MRPL48: variants seen among roughly 807,000 people sequenced by gnomAD.
MRPL48 encodes the protein mitochondrial ribosomal protein L48.
Under a neutral mutation model 32.9 loss-of-function variants are expected in MRPL48, and 16 were observed. That is an observed-to-expected ratio of 0.49 (90% CI 0.33 to 0.74). The LOEUF is 0.74. Ranked by LOEUF, MRPL48 falls within the 30% of genes least tolerant of loss-of-function variation. The pLI, the probability that MRPL48 is intolerant of heterozygous loss-of-function variation, is 0.02. For missense variants in MRPL48, 206 were observed against 245.3 expected (o/e 0.84, Z 1.07); for synonymous variants, 94 against 89.2 (o/e 1.05, Z -0.31).
intron 4 of MRPL48, among the ~76,000 whole-genome samples, chr11:73,834,069 G>A (rs568485475): frequency 6.6e-5 from 10 of 152,092 alleles, no homozygotes; most frequent in Non-Finnish European, 1.0e-4. Context: ...GGCTGGTCTC[G>A]AACTCCTGGA....
chr11:73,801,674 G>A (rs1947365966), intron 1 of MRPL48, among the ~76,000 whole-genome samples: 1 of 152,114 alleles, frequency 6.6e-6, no homozygotes, highest in South Asian at 2.1e-4. Context: ...GGGAAATTAT[G>A]GATTTTGGTG....
chr11:73,812,728 ATATATATATATATT>A (rs1489831344), intron 3 of MRPL48, among the ~76,000 whole-genome samples: 2 of 136,298 alleles, frequency 1.5e-5, no homozygotes, highest in African/African-American at 5.5e-5. Context: ...ATATATATAT[ATATATATATATATT>A]TATTTATTTA....
chr11:73,789,965 A>G (rs915327282), intron 1 of MRPL48, among the ~76,000 whole-genome samples: 2 of 151,222 alleles, frequency 1.3e-5, no homozygotes, highest in Non-Finnish European at 2.9e-5. Context: ...GTGCAGTCAT[A>G]GTTTACTAAA....
At chr11:73,838,359 T>A (rs1948138328) in intron 4 of MRPL48, among the ~76,000 whole-genome samples, 1 of 152,206 alleles carries the variant, frequency 6.6e-6, no homozygotes, top group Non-Finnish European at 1.5e-5. Context: ...CACAGTGGGA[T>A]CTTGATAATG....
chr11:73,814,798 A>G (rs1368148850), intron 3 of MRPL48, among the ~76,000 whole-genome samples: 1 of 152,066 alleles, frequency 6.6e-6, no homozygotes, highest in African/African-American at 2.4e-5. Flanking sequence ...GTTCTAGACC[A>G]GCCTGGTCAA....
chr11:73,790,125 A>G (rs1279463979), intron 1 of MRPL48, among the ~76,000 whole-genome samples: 1 of 134,206 alleles, frequency 7.5e-6, no homozygotes, highest in Non-Finnish European at 1.5e-5. Context: ...GCTGGAGTGC[A>G]GTGGCGCGAT....
At chr11:73,845,506 C>T (rs1181240479) in intron 5 of MRPL48, among the ~76,000 whole-genome samples, 1 of 152,222 alleles carries the variant, frequency 6.6e-6, no homozygotes, top group Non-Finnish European at 1.5e-5. Flanking sequence ...GGCGCAGTGG[C>T]TCACACCTGT....
At chr11:73,795,539 C>T (rs1337720188) in intron 1 of MRPL48, among the ~76,000 whole-genome samples, 1 of 151,176 alleles carries the variant, frequency 6.6e-6, no homozygotes, top group Non-Finnish European at 1.5e-5. Context: ...GAGACCGAGT[C>T]TCTGTCACCC....
At chr11:73,851,187 A>G in intron 5 of MRPL48, 1 of 434,742 alleles carries the variant, frequency 2.3e-6, no homozygotes, top group Non-Finnish European at 4.7e-6. Context: ...CCCAGTTCAC[A>G]CCGCCACTGG....
rs183005757 is a variant in MRPL48, at chr11:73,795,601, G to A, written c.21+7609G>A. The stretch of plus-strand genomic sequence containing the variant: ...CGCTCACTGCAAGCCCCGCCTCCCG[G>A]GTTCACACCATTCTCTTGCCTCAGC... On this transcript the variant is annotated intron_variant, in intron 1 of 7. Transcript: ENST00000310614. Among the ~76,000 whole-genome samples, 1,409 of 151,800 alleles carry A rather than the reference G, an allele frequency of 9.3e-3. 18 individuals carry two copies. The highest frequency in any genetic ancestry group is 0.034 in the Middle Eastern group (10 of 292).
At chr11:73,837,341 C>T (rs528540726) in intron 4 of MRPL48, among the ~76,000 whole-genome samples, 1 of 152,246 alleles carries the variant, frequency 6.6e-6, no homozygotes, top group African/African-American at 2.4e-5. Context: ...GCTGTTAAAC[C>T]TTACACAAGC....
intron 3 of MRPL48, among the ~76,000 whole-genome samples, chr11:73,815,399 A>C (rs1947645707): frequency 6.6e-6 from 1 of 151,676 alleles, no homozygotes; most frequent in South Asian, 2.1e-4. Context: ...GGGCAACGAG[A>C]GCGAAACTCC....
chr11:73,857,411 C>T (rs1168771837), intron 5 of MRPL48, among the ~76,000 whole-genome samples: 3 of 151,290 alleles, frequency 2.0e-5, no homozygotes, highest in Admixed American at 6.6e-5. Flanking sequence ...GGATTACAGG[C>T]GTGAGCCACT....
chr11:73,848,043 C>A (rs1948326198), intron 5 of MRPL48, among the ~76,000 whole-genome samples: 1 of 152,130 alleles, frequency 6.6e-6, no homozygotes, highest in African/African-American at 2.4e-5. Context: ...TCTTTTATAT[C>A]TAAGAAATCT....
chr11:73,820,785 A>G (rs541658346), intron 3 of MRPL48, among the ~76,000 whole-genome samples: 3 of 152,248 alleles, frequency 2.0e-5, no homozygotes, highest in South Asian at 2.1e-4. Context: ...GCAAAGGAAT[A>G]TAAGTAACTC....
At chr11:73,847,263 A>G (rs1048157543) in intron 5 of MRPL48, among the ~76,000 whole-genome samples, 1 of 152,142 alleles carries the variant, frequency 6.6e-6, no homozygotes, top group Admixed American at 6.6e-5. Context: ...GTGGTATCTC[A>G]TAGTGGTGTT....
At chr11:73,853,406 A>G (rs1040271091) in intron 5 of MRPL48, among the ~76,000 whole-genome samples, 1 of 152,136 alleles carries the variant, frequency 6.6e-6, no homozygotes, top group African/African-American at 2.4e-5. Flanking sequence ...ATTAAAAAAA[A>G]GAGTACAAGC....
intron 4 of MRPL48, among the ~76,000 whole-genome samples, chr11:73,840,927 CAAT>C (rs1466051657): frequency 1.3e-5 from 2 of 152,108 alleles, no homozygotes; most frequent in Non-Finnish European, 2.9e-5. Flanking sequence ...CTCTACAAAT[CAAT>C]AAGAGAAAGG....
intron 3 of MRPL48, among the ~76,000 whole-genome samples, chr11:73,823,412 G>A (rs954444081): frequency 2.6e-5 from 4 of 152,050 alleles, no homozygotes; most frequent in African/African-American, 4.8e-5. Flanking sequence ...ACATACACAT[G>A]TTATCCTTTA....
Sources: gnomAD v4.1 joint callset for allele counts (sites outside exome capture counted in the v4.1 genomes callset) on GRCh38, gnomAD v4.1.1 for gene constraint, MANE v1.5 for transcripts, NCBI Gene and HGNC (gene_info 2026-07-23, HGNC 2026-07-21) for gene names.